AKAP6: variants seen among roughly 807,000 people sequenced by gnomAD.
The protein encoded by AKAP6 is A-kinase anchor protein 6.
In AKAP6, 58 loss-of-function variants were observed where a neutral mutation model predicts 188.5. That is an observed-to-expected ratio of 0.31 (90% confidence interval 0.25 to 0.38). The LOEUF (loss-of-function observed/expected upper bound fraction) is 0.38, where lower values mean the gene tolerates loss of function less well. Ranked by LOEUF, AKAP6 falls within the 10% of genes least tolerant of loss-of-function variation. AKAP6 has a pLI of 1.00. For synonymous variants in AKAP6, 989 were observed against 998.6 expected, an observed-to-expected ratio of 0.99 and a Z score of 0.18; for missense variants, 2,710 against 2,740.0, an observed-to-expected ratio of 0.99 and a Z score of 0.24.
At chr14:32,433,361 C>T (rs1408504684) in intron 1 of AKAP6, 99 bp from the exon 2 acceptor site, 1 of 830,196 alleles carries the variant, frequency 1.2e-6, no homozygotes, top group Non-Finnish European at 1.9e-6. Context: ...ATTTAGAAAT[C>T]TGGCTTAATT....
chr14:32,393,019 A>G (rs1182797743), intron 1 of AKAP6, among the ~76,000 whole-genome samples: 1 of 152,044 alleles, frequency 6.6e-6, no homozygotes, highest in Non-Finnish European at 1.5e-5. Flanking sequence ...TAAATACTAT[A>G]ATAATAATAG....
chr14:32,670,854 G>C (rs1366089085), intron 7 of AKAP6, among the ~76,000 whole-genome samples: 1 of 152,078 alleles, frequency 6.6e-6, no homozygotes, highest in African/African-American at 2.4e-5. Flanking sequence ...TGAAGCTGAG[G>C]CTTCAGCCTT....
intron 7 of AKAP6, among the ~76,000 whole-genome samples, chr14:32,640,538 C>T (rs1256095120): frequency 6.6e-6 from 1 of 151,988 alleles, no homozygotes; most frequent in East Asian, 1.9e-4. Context: ...TGATAAATGT[C>T]TATGTAAATA....
chr14:32,368,538 A>G (rs1425621794), intron 1 of AKAP6, among the ~76,000 whole-genome samples: 2 of 151,990 alleles, frequency 1.3e-5, no homozygotes, highest in African/African-American at 2.4e-5. Context: ...ACTTTAAAGG[A>G]ATTAGGCAGG....
At chr14:32,600,493 G>C in intron 6 of AKAP6, 136 bp from the exon 7 acceptor site, 1 of 976,166 alleles carries the variant, frequency 1.0e-6, no homozygotes. Context: ...GACAAATGCT[G>C]ATATGGCAGG....
At chr14:32,357,247 C>G (rs1254027204) in intron 1 of AKAP6, among the ~76,000 whole-genome samples, 3 of 152,054 alleles carry the variant, frequency 2.0e-5, no homozygotes, top group Admixed American at 6.6e-5. Context: ...AAATTTAGGA[C>G]AAAATTTTAG....
chr14:32,724,509 A>G (rs2030741836), intron 9 of AKAP6, among the ~76,000 whole-genome samples: 3 of 152,200 alleles, frequency 2.0e-5, no homozygotes, highest in African/African-American at 7.2e-5. Flanking sequence ...TATGTTTAAA[A>G]TCTGGTTAGT....
intron 1 of AKAP6, among the ~76,000 whole-genome samples, chr14:32,338,147 G>C (rs1183685872): frequency 6.6e-6 from 1 of 151,902 alleles, no homozygotes; most frequent in Non-Finnish European, 1.5e-5. Context: ...TTGTTGTAAA[G>C]GTGAATATAC....
intron 1 of AKAP6, among the ~76,000 whole-genome samples, chr14:32,390,524 T>G (rs1011120887): frequency 6.6e-6 from 1 of 152,182 alleles, no homozygotes; most frequent in African/African-American, 2.4e-5. Context: ...GTTTAGATTC[T>G]TTTGTCCCAC....
At chr14:32,594,956 C>G (rs1885632114) in intron 5 of AKAP6, among the ~76,000 whole-genome samples, 2 of 152,158 alleles carry the variant, frequency 1.3e-5, no homozygotes, top group Admixed American at 6.5e-5. Flanking sequence ...TCAGAACAGC[C>G]AAAGAACTAA....
intron 7 of AKAP6, among the ~76,000 whole-genome samples, chr14:32,601,749 CATT>C (rs1885935540): frequency 6.6e-6 from 1 of 152,182 alleles, no homozygotes; most frequent in Admixed American, 6.5e-5. Context: ...TGTAGATTGG[CATT>C]GTGCTAAATG....
intron 2 of AKAP6, among the ~76,000 whole-genome samples, chr14:32,518,378 G>A (rs115258121): frequency 0.011 from 1,747 of 151,930 alleles, 39 homozygotes; most frequent in African/African-American, 0.041. Context: ...TCAGAGGATC[G>A]GTAATAACAG....
chr14:32,657,105 A>T (rs1389175595), intron 7 of AKAP6, among the ~76,000 whole-genome samples: 1 of 152,142 alleles, frequency 6.6e-6, no homozygotes, highest in Non-Finnish European at 1.5e-5. Context: ...CTCAGCGCAG[A>T]TCCAGAAGAA....
chr14:32,760,412 G>A (rs2032497402), intron 11 of AKAP6, among the ~76,000 whole-genome samples: 1 of 152,160 alleles, frequency 6.6e-6, no homozygotes. Context: ...AGTATGGAGG[G>A]CACATAGAAG....
rs981725959 is a variant in AKAP6 at position 32,813,394 on chromosome 14, C to CT, written c.3589-8008_3589-8007insT. On this transcript the variant is annotated intron_variant, in intron 12 of 13. Transcript: ENST00000280979. ...CAGTTTTCATCTCTAACCCTACCCC[C>CT]CCCCCCAACCCCTTTCCCAGAGGTC... 3.9e-4 allele frequency among the ~76,000 whole-genome samples: 46 copies of CT among 118,086 alleles called. 5 individuals are homozygous for CT. Among genetic ancestry groups the CT allele is most frequent in the African/African-American group, 1.4e-3 (42 of 29,514 alleles). 77.5% of individuals were successfully genotyped at this position (118,086 alleles called of 152,430 possible).
chr14:32,417,144 C>T (rs1020834775), intron 1 of AKAP6, among the ~76,000 whole-genome samples: 4 of 152,050 alleles, frequency 2.6e-5, no homozygotes, highest in African/African-American at 4.8e-5. Flanking sequence ...TAATAAAAAA[C>T]GATATTATTT....
intron 9 of AKAP6, among the ~76,000 whole-genome samples, chr14:32,730,979 G>T (rs1566672586): frequency 6.6e-6 from 1 of 152,130 alleles, no homozygotes; most frequent in African/African-American, 2.4e-5. Context: ...AATTTCTCCT[G>T]TATCACAGGC....
intron 1 of AKAP6, chr14:32,403,070 T>C (rs1036251834): frequency 3.3e-5 from 5 of 152,184 alleles, no homozygotes; most frequent in African/African-American, 4.8e-5. Context: ...TATACAACAC[T>C]GTAGACTTAG....
chr14:32,735,937 A>G, intron 11 of AKAP6, 55 bp downstream of exon 11: 1 of 1,322,676 alleles, frequency 7.6e-7, no homozygotes, highest in Non-Finnish European at 1.0e-6. Context: ...TAGGGATGAA[A>G]TATTTATCAA....
Sources: allele counts gnomAD v4.1 joint callset (sites outside exome capture counted in the v4.1 genomes callset), GRCh38; gene constraint gnomAD v4.1.1; transcripts MANE v1.5; gene names NCBI Gene and HGNC (gene_info 2026-07-23, HGNC 2026-07-21).